The following PARD3B variants were observed in gnomAD, a reference collection of about 807,000 sequenced individuals.
PARD3B encodes par-3 family cell polarity regulator beta.
A neutral mutation model predicts 130.2 loss-of-function variants in PARD3B; 103 were observed. The ratio of observed to expected loss-of-function variants is 0.79; its 90% CI spans 0.67 to 0.93. The LOEUF is 0.93. Among genes scored for constraint, PARD3B ranks in the 40% least tolerant of loss-of-function variants. The probability of loss-of-function intolerance (pLI) is 0.00; values close to 1 mark genes in which losing one functional copy is unlikely to be tolerated. For synonymous variants in PARD3B, 583 were observed against 553.2 expected (o/e 1.05, Z -0.76); for missense variants, 1,609 against 1,499.2 (o/e 1.07, Z -1.21).
intron 15 of PARD3B, among the ~76,000 whole-genome samples, chr2:205,197,203 TTTA>T: frequency 6.6e-6 from 1 of 152,260 alleles, no homozygotes; most frequent in South Asian, 2.1e-4. Flanking sequence ...GATTAAATCA[TTTA>T]TTTTTTTTAA....
At chr2:205,099,705 T>C (rs1702620742) in intron 4 of PARD3B, among the ~76,000 whole-genome samples, 1 of 152,178 alleles carries the variant, frequency 6.6e-6, no homozygotes. Flanking sequence ...CTTTATGTCC[T>C]TATAGGATGC....
chr2:205,386,475 C>G (rs145805353), intron 18 of PARD3B, among the ~76,000 whole-genome samples: 4,194 of 152,134 alleles, frequency 0.028, 62 homozygotes, highest in South Asian at 0.033. Context: ...TGTGAACAAG[C>G]GTGAGGATGT....
intron 14 of PARD3B, among the ~76,000 whole-genome samples, chr2:205,189,106 T>C (rs1184121825): frequency 6.6e-6 from 1 of 152,170 alleles, no homozygotes. Flanking sequence ...ATTAACAGTT[T>C]AGACAACATT....
In PARD3B at chr2:205,176,368, A is replaced by G; in HGVS notation, c.1792-77A>G. 7.2e-7 allele frequency: 1 copy of G among 1,379,946 alleles called. No individual in the cohort carries two copies. Among genetic ancestry groups the G allele is most frequent in the Non-Finnish European group, 9.8e-7 (1 of 1,015,802 alleles). 85.5% of individuals were successfully genotyped at this position (1,379,946 alleles called of 1,614,324 possible). On this transcript the variant is annotated intron_variant, in intron 12 of 22. Coordinates refer to ENST00000406610, the MANE Select transcript of PARD3B (RefSeq NM_001302769.2). This position sits in a 1 kb window ranked among gnomAD's most constrained non-coding sequence, Gnocchi z 5.3. ...TTGAAAGACTATTCATACAGCGATC[A>G]TTCTTTCACTTTGCTTCAACTGACC...
intron 2 of PARD3B, among the ~76,000 whole-genome samples, chr2:204,911,326 T>A (rs977145041): frequency 6.6e-6 from 1 of 152,240 alleles, no homozygotes; most frequent in African/African-American, 2.4e-5. Context: ...GAGTGCTTAG[T>A]GCTTGGGAGC....
intron 3 of PARD3B, among the ~76,000 whole-genome samples, chr2:204,982,679 A>C (rs1035996142): frequency 6.6e-6 from 1 of 152,258 alleles, no homozygotes; most frequent in African/African-American, 2.4e-5. Context: ...ATGGTGACAC[A>C]AAACAAGTGT....
At chr2:204,979,786 A>G (rs1692511651) in intron 3 of PARD3B, among the ~76,000 whole-genome samples, 1 of 152,222 alleles carries the variant, frequency 6.6e-6, no homozygotes, top group South Asian at 2.1e-4. Context: ...CAATATCTAT[A>G]TAGAAAAAAA....
At chr2:205,219,609 T>C (rs889490966) in intron 15 of PARD3B, among the ~76,000 whole-genome samples, 2 of 152,136 alleles carry the variant, frequency 1.3e-5, no homozygotes, top group African/African-American at 4.8e-5. Flanking sequence ...AAAGCAGCTA[T>C]ACAATCCCCA....
Position 205,301,364 on chromosome 2 carries a change from G to A in PARD3B, c.2393-100G>A. The stretch of plus-strand genomic sequence containing the variant: ...ACATAGAAGGGTAGAACTACAGAGT[G>A]CTGTTATTCATTCTTTTGCATTTTA... On this transcript the variant is annotated intron_variant, in intron 17 of 22. Coordinates refer to ENST00000406610, the MANE Select transcript of PARD3B (RefSeq NM_001302769.2). The surrounding 1 kb of genome is among the most constrained non-coding windows in gnomAD (Gnocchi z 5.2). 6.6e-7 allele frequency: 1 copy of A among 1,518,886 alleles called. No homozygotes were observed. The highest frequency in any genetic ancestry group is 8.8e-7 in the Non-Finnish European group (1 of 1,137,136). The allele number at this position is 1,518,886 out of a possible 1,614,324, so 94.1% of individuals were successfully genotyped here.
At chr2:204,896,531 T>C (rs2046647005) in intron 2 of PARD3B, among the ~76,000 whole-genome samples, 1 of 152,202 alleles carries the variant, frequency 6.6e-6, no homozygotes, top group Non-Finnish European at 1.5e-5. Flanking sequence ...GAATCTACCA[T>C]ACTGTAGAGA....
At chr2:204,771,551 A>G (rs1462713520) in intron 2 of PARD3B, among the ~76,000 whole-genome samples, 2 of 152,112 alleles carry the variant, frequency 1.3e-5, no homozygotes, top group Non-Finnish European at 2.9e-5. Context: ...AAGGGTTGAA[A>G]AACTACCTGT....
chr2:205,586,844 G>A (rs2106587210), intron 22 of PARD3B, among the ~76,000 whole-genome samples: 1 of 152,228 alleles, frequency 6.6e-6, no homozygotes, highest in South Asian at 2.1e-4. Context: ...TCAGTCTGGG[G>A]CCAAACATCC....
chr2:205,070,765 A>G (rs1200461942), intron 4 of PARD3B, among the ~76,000 whole-genome samples: 2 of 152,182 alleles, frequency 1.3e-5, no homozygotes, highest in African/African-American at 4.8e-5. Flanking sequence ...ACTTGAAACA[A>G]TAGGTAATCA....
intron 11 of PARD3B, among the ~76,000 whole-genome samples, chr2:205,164,002 C>T (rs2034658999): frequency 6.6e-6 from 1 of 152,168 alleles, no homozygotes; most frequent in South Asian, 2.1e-4. Flanking sequence ...GCTATTGAAA[C>T]TCCTCAAATG....
intron 18 of PARD3B, among the ~76,000 whole-genome samples, chr2:205,347,393 T>G (rs866891655): frequency 2.0e-4 from 30 of 152,330 alleles, no homozygotes; most frequent in Middle Eastern, 6.8e-3. Flanking sequence ...AAGTATAACC[T>G]GTAACTTATT....
At chr2:205,240,142 T>C (rs2039286309) in intron 15 of PARD3B, among the ~76,000 whole-genome samples, 1 of 152,170 alleles carries the variant, frequency 6.6e-6, no homozygotes, top group Non-Finnish European at 1.5e-5. Flanking sequence ...TAATTTACAA[T>C]TTGAAACAGG....
chr2:205,493,455 T>C lies in PARD3B; in HGVS notation c.3045-6441T>C, dbSNP rs77627412. On this transcript the variant is annotated intron_variant, in intron 20 of 22. Transcript: ENST00000406610. ...AAACCATTGAAATTCCACCCTTTTGTGAGTATACAAAAATTAACACCATAC... is the reference window on the plus strand; with the variant it reads ...AAACCATTGAAATTCCACCCTTTTGCGAGTATACAAAAATTAACACCATAC... 7.8e-4 allele frequency among the ~76,000 whole-genome samples: 118 copies of C among 152,234 alleles called. 1 individual carries two copies. In the East Asian group the frequency reaches 0.018, roughly 23 times the overall value.
At chr2:205,523,209 A>ATGTGTGTGTGTG (rs36030743) in intron 21 of PARD3B, among the ~76,000 whole-genome samples, 4 of 141,430 alleles carry the variant, frequency 2.8e-5, no homozygotes, top group African/African-American at 1.0e-4. Context: ...CGTGTACTAT[A>ATGTGTGTGTGTG]TGTGTGTGTG....
chr2:205,123,231 GAGA>G (rs568910625), intron 8 of PARD3B, among the ~76,000 whole-genome samples: 5 of 152,178 alleles, frequency 3.3e-5, no homozygotes, highest in Non-Finnish European at 7.3e-5. Flanking sequence ...AAGGAAAAAA[GAGA>G]AGAATTACAG....
Sources: allele counts gnomAD v4.1 joint callset (sites outside exome capture counted in the v4.1 genomes callset), GRCh38; gene constraint gnomAD v4.1.1; non-coding constraint Gnocchi (gnomAD v3.1); transcripts MANE v1.5; gene names NCBI Gene and HGNC (gene_info 2026-07-23, HGNC 2026-07-21).